REPS2: variants seen among roughly 807,000 people sequenced by gnomAD.
The protein encoded by REPS2 is RALBP1 associated Eps domain containing 2.
REPS2 carries 23 observed loss-of-function variants against 53.6 expected under a neutral mutation model. The observed-to-expected ratio is 0.43, with a 90% CI of 0.31 to 0.61. The LOEUF is 0.61. Ranked by LOEUF, REPS2 falls within the 20% of genes least tolerant of loss-of-function variation. The pLI is 0.11. For missense variants in REPS2, 446 were observed against 534.9 expected (o/e 0.83, Z 1.64); for synonymous variants, 238 against 218.6 (o/e 1.09, Z -0.78).
At chrX:16,965,132 T>C (rs1376947887) in intron 1 of REPS2, among the ~76,000 whole-genome samples, 274 of 41,006 alleles carry the variant, frequency 6.7e-3, no homozygotes, top group East Asian at 8.1e-3. Context: ...GCTGGCCGGG[T>C]GGGGGGCTGA....
chrX:17,061,289 C>CGTAG (rs756408725), intron 8 of REPS2, among the ~76,000 whole-genome samples: 5 of 111,698 alleles, frequency 4.5e-5, no homozygotes, highest in Admixed American at 9.5e-5. Context: ...TAGATAGACA[C>CGTAG]GTAGGTAGGT....
chrX:17,059,302 T>G (rs1362173930), intron 8 of REPS2, among the ~76,000 whole-genome samples: 5 of 106,858 alleles, frequency 4.7e-5, no homozygotes, highest in Non-Finnish European at 9.7e-5. Context: ...GCCTAGTGTT[T>G]TTTTTTTTTT....
intron 6 of REPS2, among the ~76,000 whole-genome samples, chrX:17,048,825 G>A (rs1003956228): frequency 8.9e-6 from 1 of 112,789 alleles, no homozygotes; most frequent in Non-Finnish European, 1.9e-5. Flanking sequence ...ATATGATTAT[G>A]TACAGTATAT....
At chrX:17,179,606 G>A in the REPS2 span, among the ~76,000 whole-genome samples, 1 of 111,769 alleles carries the variant, frequency 8.9e-6, no homozygotes, top group Non-Finnish European at 1.9e-5. Context: ...TCCTGAATTG[G>A]ATATTTGAGG....
At chrX:16,966,300 C>T (rs909284888) in intron 1 of REPS2, among the ~76,000 whole-genome samples, 23 of 112,220 alleles carry the variant, frequency 2.0e-4, no homozygotes, top group African/African-American at 6.8e-4. Context: ...TTGAGAGACC[C>T]TCTTAAGAAA....
At chrX:17,025,623 C>T (rs749322135) in intron 4 of REPS2, among the ~76,000 whole-genome samples, 3 of 111,695 alleles carry the variant, frequency 2.7e-5, no homozygotes, top group South Asian at 3.7e-4. Context: ...AGACTGAGCA[C>T]GTAAATGAAA....
chrX:17,096,388 G>A (rs1164083978), intron 13 of REPS2, among the ~76,000 whole-genome samples: 5 of 110,933 alleles, frequency 4.5e-5, no homozygotes, highest in African/African-American at 1.6e-4. Flanking sequence ...GGCCGGGCGC[G>A]GTGGCTCACG....
At chrX:17,190,139 G>A in the REPS2 span, among the ~76,000 whole-genome samples, 1 of 111,292 alleles carries the variant, frequency 9.0e-6, no homozygotes, top group East Asian at 2.8e-4. Flanking sequence ...AACCAGGGAT[G>A]GAGGTGGACC....
intron 14 of REPS2, among the ~76,000 whole-genome samples, chrX:17,122,845 A>G (rs2063158638): frequency 8.9e-6 from 1 of 112,272 alleles, no homozygotes; most frequent in Non-Finnish European, 1.9e-5. Context: ...GGGGACATTT[A>G]TCACAGTCTA....
chrX:17,157,416 C>T (rs1167725965), downstream of REPS2, among the ~76,000 whole-genome samples: 1 of 112,018 alleles, frequency 8.9e-6, no homozygotes, highest in Admixed American at 9.5e-5. Context: ...CCCAGTTATT[C>T]TACCCCCATA....
At chrX:17,001,952 G>A (rs1054982937) in intron 1 of REPS2, among the ~76,000 whole-genome samples, 1 of 111,966 alleles carries the variant, frequency 8.9e-6, no homozygotes, top group Non-Finnish European at 1.9e-5. Context: ...CCCCCTAATT[G>A]TTCAAGTCCC....
chrX:17,010,447 TC>T (rs1455060367), intron 2 of REPS2, among the ~76,000 whole-genome samples: 3 of 112,153 alleles, frequency 2.7e-5, no homozygotes, highest in Non-Finnish European at 5.6e-5. Context: ...AGTGAGGTGA[TC>T]CTTGGGTGGG....
chrX:16,986,198 G>T (rs1321228079), intron 1 of REPS2, among the ~76,000 whole-genome samples: 2 of 111,873 alleles, frequency 1.8e-5, no homozygotes, highest in African/African-American at 6.5e-5. Context: ...TCTAATATGT[G>T]TCGGCTCTGT....
At chrX:16,972,466 CT>C (rs963422921) in intron 1 of REPS2, among the ~76,000 whole-genome samples, 1 of 111,254 alleles carries the variant, frequency 9.0e-6, no homozygotes, top group African/African-American at 3.3e-5. Flanking sequence ...TCTTATTTGG[CT>C]TTTTTTTAGT....
chrX:16,951,559 A>ACACACACCCC lies in REPS2; in HGVS notation c.273+4426_273+4427insACACACCCCC, dbSNP rs879259718. 1.8e-3 allele frequency among the ~76,000 whole-genome samples: 68 copies of ACACACACCCC among 37,502 alleles called. 3 individuals are homozygous for ACACACACCCC. Among genetic ancestry groups the ACACACACCCC allele is most frequent in the South Asian group, 2.3e-3 (1 of 443 alleles). 32.6% of individuals were successfully genotyped at this position (37,502 alleles called of 115,157 possible). On this transcript the variant is annotated intron_variant, in intron 1 of 17. Transcript: ENST00000357277. ...CACACACACACACACACACACACAC[A>ACACACACCCC]CCCCCGCTACCTACCTCTCTCTGGG...
chrX:17,095,533 T>C (rs1362407982), intron 13 of REPS2, among the ~76,000 whole-genome samples: 2 of 110,117 alleles, frequency 1.8e-5, no homozygotes, highest in African/African-American at 3.3e-5. Context: ...TCTTTTTTTT[T>C]TTTTTTAATG....
chrX:17,180,269 G>T, the REPS2 span, among the ~76,000 whole-genome samples: 1 of 110,828 alleles, frequency 9.0e-6, no homozygotes, highest in Non-Finnish European at 1.9e-5. Flanking sequence ...GTGCAGGAAA[G>T]GAAAAGAAAC....
rs774811637 is a variant in REPS2, at chrX:16,966,472, C to G, written c.273+19338C>G. Among the ~76,000 whole-genome samples, 7 of 112,282 alleles carry G rather than the reference C, an allele frequency of 6.2e-5. No homozygotes were observed. In the South Asian group the frequency reaches 2.6e-3, roughly 42 times the overall value. On this transcript the variant is annotated intron_variant, in intron 1 of 17. Coordinates refer to ENST00000357277, the MANE Select transcript of REPS2 (RefSeq NM_004726.3). The stretch of plus-strand genomic sequence containing the variant: ...CTTGGGGATGGGACCCAAGTCTAAA[C>G]ACGAAATTCATTAATGTTTTATATA...
chrX:17,104,173 A>G (rs1199278821), intron 14 of REPS2, among the ~76,000 whole-genome samples: 4 of 111,957 alleles, frequency 3.6e-5, no homozygotes, highest in Non-Finnish European at 7.5e-5. Context: ...TTAATTCTAC[A>G]TAAATGAAAA....
Sources: gnomAD v4.1 joint callset for allele counts (sites outside exome capture counted in the v4.1 genomes callset) on GRCh38, gnomAD v4.1.1 for gene constraint, MANE v1.5 for transcripts, NCBI Gene and HGNC (gene_info 2026-07-23, HGNC 2026-07-21) for gene names.